CASR: variants seen among roughly 807,000 people sequenced by gnomAD.
CASR encodes the protein calcium sensing receptor.
Under a neutral mutation model 69.1 loss-of-function variants are expected in CASR, and 23 were observed. That is an observed-to-expected ratio of 0.33 (90% CI 0.24 to 0.47). The LOEUF (loss-of-function observed/expected upper bound fraction) is 0.47. Ranked by LOEUF, CASR falls within the 20% of genes least tolerant of loss-of-function variation. The probability of loss-of-function intolerance (pLI) is 1.00; values close to 1 mark genes in which losing one functional copy is unlikely to be tolerated. For synonymous variants in CASR, 541 were observed against 544.7 expected (o/e 0.99, Z 0.10); for missense variants, 924 against 1,356.1 (o/e 0.68, Z 5.00).
At chr3:122,199,277 T>C (rs2107585774) in intron 1 of CASR, among the ~76,000 whole-genome samples, 1 of 152,374 alleles carries the variant, frequency 6.6e-6, no homozygotes, top group Middle Eastern at 3.4e-3. Context: ...TTCTTCCTCT[T>C]GGCTCGCTTT....
chr3:122,276,958 A>G (rs2074828868), intron 5 of CASR, among the ~76,000 whole-genome samples: 1 of 151,438 alleles, frequency 6.6e-6, no homozygotes, highest in South Asian at 2.1e-4. Flanking sequence ...CATCCTCTTA[A>G]CTCTCCCAGG....
rs2074626568 is a variant in CASR at position 122,261,788 on chromosome 3, G to C, written c.753G>C (p.Glu251Asp). 6.2e-7 allele frequency: 1 copy of C among 1,614,254 alleles called. No individual in the cohort carries two copies. Among genetic ancestry groups the C allele is most frequent in the Non-Finnish European group, 8.5e-7 (1 of 1,180,044 alleles). Residue 251 changes from glutamate to aspartate, a missense_variant, in exon 4 of 7, where the codon GAG (glutamate) becomes GAC (aspartate). By Grantham distance (45) the Glu-to-Asp change is conservative. Around this residue, in one of 8 missense-constraint regions of CASR, gnomAD observed 310 missense variants for 395.7 expected, o/e 0.78. Coordinates refer to ENST00000639785, the MANE Select transcript of CASR (RefSeq NM_000388.4). Reference sequence around the variant, plus strand: ...TCTCCCAGTACTCTGATGAGGAAGAGATCCAGCATGTGGTAGAGGTGATTC... The same window carrying C: ...TCTCCCAGTACTCTGATGAGGAAGACATCCAGCATGTGGTAGAGGTGATTC... ...ELISQYSDEE[E>D]IQHVVEVIQN...
intron 1 of CASR, among the ~76,000 whole-genome samples, chr3:122,207,358 G>A (rs1267984788): frequency 6.6e-6 from 1 of 152,058 alleles, no homozygotes. Flanking sequence ...CCCAACTGCT[G>A]TAGAATACAC....
At position 122,283,881 on chromosome 3, in the gene CASR, G is replaced by A; in HGVS notation, c.1927G>A (p.Val643Ile). The A allele has an allele frequency of 6.2e-7, 1 of 1,613,838 alleles. No individual in the cohort carries two copies. Among genetic ancestry groups the A allele is most frequent in the Non-Finnish European group, 8.5e-7 (1 of 1,180,004 alleles). The change falls in exon 7 of 7, where the codon GTC becomes ATC. Residue 643 changes from valine to isoleucine, a missense_variant. Coordinates refer to ENST00000639785, the MANE Select transcript of CASR (RefSeq NM_000388.4). ...VFIKFRNTPI[V>I]KATNRELSYL... is the part of the protein sequence containing the mutation. ...TATCAAGTTCCGCAACACACCCATTGTCAAGGCCACCAACCGAGAGCTCTC... is the reference window on the plus strand; with the variant it reads ...TATCAAGTTCCGCAACACACCCATTATCAAGGCCACCAACCGAGAGCTCTC...
In CASR at chr3:122,183,972, G is replaced by A. The variant is rs1187544235; in HGVS notation, c.-243+160G>A. Among the ~76,000 whole-genome samples the A allele has an allele frequency of 3.9e-5, 6 of 152,204 alleles. 1 individual carries two copies. The East Asian group carries it at 1.2e-3, about 29-fold the overall frequency. On this transcript the variant is annotated intron_variant, in intron 1 of 6. Transcript: ENST00000639785. ...GCCAAGGAGTAGGGGTCAGGGAAGA[G>A]GACAGCGGGAACAGGATTTGAGAGC...
At chr3:122,215,494 G>A (rs1296142550) in intron 1 of CASR, among the ~76,000 whole-genome samples, 1 of 152,136 alleles carries the variant, frequency 6.6e-6, no homozygotes. Context: ...TCTTATTAAA[G>A]TGAAGCACAG....
chr3:122,243,647 A>AT (rs2074399727), intron 1 of CASR, among the ~76,000 whole-genome samples: 1 of 152,162 alleles, frequency 6.6e-6, no homozygotes, highest in African/African-American at 2.4e-5. Flanking sequence ...TAGAGCTACC[A>AT]TACAATCCAG....
intron 6 of CASR, among the ~76,000 whole-genome samples, 156 bp downstream of exon 6, chr3:122,282,392 G>A (rs2074902851): frequency 6.6e-6 from 1 of 152,176 alleles, no homozygotes; most frequent in African/African-American, 2.4e-5. Context: ...TGGGCATGGA[G>A]GTGGAACAGA....
intron 1 of CASR, among the ~76,000 whole-genome samples, chr3:122,223,309 A>G (rs184677795): frequency 2.1e-4 from 32 of 152,288 alleles, no homozygotes; most frequent in African/African-American, 7.7e-4. Flanking sequence ...CACTAGCTAG[A>G]TTAATAAAGA....
chr3:122,275,778 C>G (rs773374124), intron 4 of CASR, 34 bp from the exon 5 acceptor site: 1 of 1,431,652 alleles, frequency 7.0e-7, no homozygotes, highest in South Asian at 1.1e-5. Flanking sequence ...TGTGGCAGCC[C>G]TGGGGCTTGT....
At chr3:122,204,099 A>G (rs193205800) in intron 1 of CASR, among the ~76,000 whole-genome samples, 2 of 152,134 alleles carry the variant, frequency 1.3e-5, no homozygotes, top group Non-Finnish European at 2.9e-5. Context: ...TTAGGCTAGG[A>G]CCATTCCAAT....
intron 4 of CASR, among the ~76,000 whole-genome samples, chr3:122,272,157 T>C (rs1559963682): frequency 6.6e-6 from 1 of 151,748 alleles, no homozygotes; most frequent in Non-Finnish European, 1.5e-5. Context: ...ATGATGACTC[T>C]ATGTTTAACT....
At chr3:122,186,683 C>A (rs1270137023) in intron 1 of CASR, among the ~76,000 whole-genome samples, 1 of 152,154 alleles carries the variant, frequency 6.6e-6, no homozygotes, top group Non-Finnish European at 1.5e-5. Context: ...AAACGAAGTT[C>A]TTTGAGGGTG....
intron 1 of CASR, among the ~76,000 whole-genome samples, chr3:122,202,143 G>C (rs951184215): frequency 6.6e-6 from 1 of 152,218 alleles, no homozygotes; most frequent in African/African-American, 2.4e-5. Flanking sequence ...AGCACTGAGT[G>C]AACCAGACTC....
At chr3:122,257,966 G>C (rs1352545380) in intron 3 of CASR, among the ~76,000 whole-genome samples, 1 of 152,212 alleles carries the variant, frequency 6.6e-6, no homozygotes, top group Non-Finnish European at 1.5e-5. Flanking sequence ...CGGGAACTTA[G>C]CCTAGGTGGA....
At chr3:122,235,588 A>G (rs2074321458) in intron 1 of CASR, among the ~76,000 whole-genome samples, 1 of 152,234 alleles carries the variant, frequency 6.6e-6, no homozygotes, top group Non-Finnish European at 1.5e-5. Context: ...GAAAAGTAAT[A>G]GTATCAGAAG....
Position 122,285,716 on chromosome 3 carries a change from T to C in CASR, c.*525T>C, listed in dbSNP as rs1328506925. Reference sequence around the variant, plus strand: ...TATTTTGTCTCCTACCTGCTGCTGCTATTATGTAACATCCAGAAGGTTTGC... The same window carrying C: ...TATTTTGTCTCCTACCTGCTGCTGCCATTATGTAACATCCAGAAGGTTTGC... On this transcript the variant is annotated 3_prime_UTR_variant, in exon 7 of 7. Coordinates refer to ENST00000639785, the MANE Select transcript of CASR (RefSeq NM_000388.4). 1.1e-5 allele frequency: 2 copies of C among 175,964 alleles called. No individual in the cohort carries two copies. Among genetic ancestry groups the C allele is most frequent in the Non-Finnish European group, 2.5e-5 (2 of 80,566 alleles). 10.9% of individuals were successfully genotyped at this position (175,964 alleles called of 1,614,324 possible).
chr3:122,241,915 C>A (rs931377185), intron 1 of CASR, among the ~76,000 whole-genome samples: 1 of 151,904 alleles, frequency 6.6e-6, no homozygotes, highest in Non-Finnish European at 1.5e-5. Context: ...AACAACAGAA[C>A]GAAGGACAAA....
intron 1 of CASR, among the ~76,000 whole-genome samples, chr3:122,197,824 G>T (rs560678555): frequency 2.0e-5 from 3 of 152,046 alleles, no homozygotes; most frequent in Non-Finnish European, 4.4e-5. Flanking sequence ...TGCCAGCTTT[G>T]GCTTCCTTCA....
Sources: gnomAD v4.1 joint callset for allele counts (sites outside exome capture counted in the v4.1 genomes callset) on GRCh38, gnomAD v4.1.1 for gene constraint, gnomAD v4.1.1 regional missense constraint, MANE v1.5 for transcripts, NCBI Gene and HGNC (gene_info 2026-07-23, HGNC 2026-07-21) for gene names.